PPFIBP1: variants seen among roughly 807,000 people sequenced by gnomAD.
PPFIBP1 encodes the protein liprin-beta-1.
Under a neutral mutation model 137.8 loss-of-function variants are expected in PPFIBP1, and 112 were observed. The ratio of observed to expected loss-of-function variants is 0.81; its 90% CI spans 0.70 to 0.95. The LOEUF (loss-of-function observed/expected upper bound fraction) is 0.95, where lower values mean the gene tolerates loss of function less well. Ranked by LOEUF, PPFIBP1 falls within the 40% of genes least tolerant of loss-of-function variation. The pLI is 0.00. For synonymous variants in PPFIBP1, 378 were observed against 417.3 expected (o/e 0.91, Z 1.15); for missense variants, 1,083 against 1,196.6 (o/e 0.91, Z 1.40).
intron 2 of PPFIBP1, among the ~76,000 whole-genome samples, chr12:27,607,285 A>G (rs2054614045): frequency 6.6e-6 from 1 of 152,216 alleles, no homozygotes; most frequent in Non-Finnish European, 1.5e-5. Context: ...CCAACAATTG[A>G]TTCAGGTGTA....
chr12:27,691,760 T>G lies in PPFIBP1; in HGVS notation c.2697T>G (p.Leu899=). ...TATAKVKPKK[L]AFSNFGNLRK... ...CTTTTCTTTTAAAGCCAAAGAAACT[T>G]GCCTTTAGCAATTTTGGGAATTTGA... Residue 899 remains leucine, a synonymous_variant, in exon 28 of 30, where the codon CTT becomes CTG. Transcript: ENST00000228425. The G allele has an allele frequency of 6.2e-7, 1 of 1,609,026 alleles. No individual in the cohort carries two copies. The highest frequency in any genetic ancestry group is 8.5e-7 in the Non-Finnish European group (1 of 1,178,018).
intron 24 of PPFIBP1, among the ~76,000 whole-genome samples, chr12:27,685,528 T>A (rs867179641): frequency 2.3e-4 from 35 of 152,224 alleles, no homozygotes; most frequent in African/African-American, 8.4e-4. Context: ...AGTGTGAGTA[T>A]GTTCCCCCTG....
intron 1 of PPFIBP1, among the ~76,000 whole-genome samples, chr12:27,542,419 T>C (rs1015707471): frequency 6.6e-6 from 1 of 152,198 alleles, no homozygotes; most frequent in African/African-American, 2.4e-5. Flanking sequence ...TAAGTTGAGA[T>C]TGGTGCAAAA....
At chr12:27,557,169 G>A (rs1049443788) in intron 1 of PPFIBP1, among the ~76,000 whole-genome samples, 15 of 151,772 alleles carry the variant, frequency 9.9e-5, no homozygotes, top group African/African-American at 3.1e-4. Context: ...TGAAGAACAA[G>A]ATTTTCTCTC....
intron 2 of PPFIBP1, among the ~76,000 whole-genome samples, chr12:27,599,789 C>T (rs1468955540): frequency 6.6e-6 from 1 of 152,168 alleles, no homozygotes; most frequent in Admixed American, 6.5e-5. Flanking sequence ...ATCTGACAAA[C>T]TCCATTTGTG....
chr12:27,580,147 G>C (rs1268114356), intron 2 of PPFIBP1, among the ~76,000 whole-genome samples: 1 of 152,150 alleles, frequency 6.6e-6, no homozygotes, highest in East Asian at 1.9e-4. Context: ...GAGACGAATA[G>C]AGAAAGAAAA....
intron 27 of PPFIBP1, among the ~76,000 whole-genome samples, chr12:27,689,438 A>T (rs2061388634): frequency 6.6e-6 from 1 of 150,548 alleles, no homozygotes; most frequent in Non-Finnish European, 1.5e-5. Flanking sequence ...TATTGTAAGA[A>T]TAAAAAAAAA....
intron 19 of PPFIBP1, among the ~76,000 whole-genome samples, chr12:27,678,870 A>AAAAAAAAAAAAAAC (rs2060699324): frequency 6.6e-6 from 1 of 150,840 alleles, no homozygotes; most frequent in Non-Finnish European, 1.5e-5. Flanking sequence ...AAAAAAAAAA[A>AAAAAAAAAAAAAAC]AAAAAAAAAA....
At chr12:27,681,769 A>C in intron 22 of PPFIBP1, 73 bp downstream of exon 22, 2 of 1,537,664 alleles carry the variant, frequency 1.3e-6, no homozygotes, top group South Asian at 2.4e-5. Flanking sequence ...GTTGTTTTAT[A>C]GTCCAGAAAG....
rs751904200 is a variant in PPFIBP1, at chr12:27,646,135, C to G, written c.344C>G (p.Ser115Cys). 1 of 1,606,978 alleles carries G rather than the reference C, an allele frequency of 6.2e-7. No homozygotes were observed. Among genetic ancestry groups the G allele is most frequent in the Non-Finnish European group, 8.5e-7 (1 of 1,173,766 alleles). ...RLARLENDKESLVLQVSVLTD... is the reference protein window; with the variant it reads ...RLARLENDKECLVLQVSVLTD... ...GCACGTTTAGAAAATGATAAAGAAT[C>G]CCTCGTTCTTCAGGCAAGTGATTTT... is the stretch of plus-strand genomic sequence containing the variant. Residue 115 changes from serine (S) to cysteine (C), a missense_variant, in exon 5 of 30, where the codon TCC (serine) becomes TGC (cysteine). Transcript: ENST00000228425.
intron 24 of PPFIBP1, among the ~76,000 whole-genome samples, chr12:27,684,481 C>G (rs1201933326): frequency 1.3e-5 from 2 of 152,128 alleles, no homozygotes; most frequent in Non-Finnish European, 2.9e-5. Context: ...TAATCTTTTT[C>G]AAGTAAGTAG....
chr12:27,548,312 C>T (rs545179593), intron 1 of PPFIBP1: 3 of 152,150 alleles, frequency 2.0e-5, no homozygotes, highest in Non-Finnish European at 2.9e-5. Context: ...CAAACTCAGA[C>T]TTAGAACCTT....
intron 1 of PPFIBP1, among the ~76,000 whole-genome samples, chr12:27,544,208 G>C (rs924399231): frequency 1.3e-5 from 2 of 152,104 alleles, no homozygotes; most frequent in African/African-American, 2.4e-5. Flanking sequence ...AGCCAAAGTG[G>C]ACATTTGGAG....
In PPFIBP1 at chr12:27,688,300, T is replaced by C. The variant is rs1348616932; in HGVS notation, c.2373T>C (p.Asn791=). The C allele has an allele frequency of 1.2e-6, 2 of 1,613,222 alleles. No homozygotes were observed. Among genetic ancestry groups the C allele is most frequent in the African/African-American group, 2.7e-5 (2 of 74,882 alleles). The change falls in exon 26 of 30, where the codon AAT becomes AAC. Residue 791 remains asparagine (N), a splice_region_variant and synonymous_variant. Transcript: ENST00000228425. The part of the protein sequence containing the change: ...NCLRRRPSDE[N]TIAPSEVQKW... ...ATCCTGGTTGTGTGTTCCCATAGAATACCATCGCCCCATCAGAAGTTCAGA... is the reference window on the plus strand; with the variant it reads ...ATCCTGGTTGTGTGTTCCCATAGAACACCATCGCCCCATCAGAAGTTCAGA...
chr12:27,678,815 T>A, intron 19 of PPFIBP1, among the ~76,000 whole-genome samples: 1 of 135,034 alleles, frequency 7.4e-6, no homozygotes, highest in Non-Finnish European at 1.5e-5. Context: ...CGAGATCATG[T>A]CACTGCACTC....
At chr12:27,657,204 C>T (rs2059257861) in intron 9 of PPFIBP1, 1 of 152,672 alleles carries the variant, frequency 6.5e-6, no homozygotes, top group African/African-American at 2.4e-5. Flanking sequence ...GAGCCCTCCA[C>T]CTTTTAGAAA....
intron 1 of PPFIBP1, among the ~76,000 whole-genome samples, chr12:27,561,217 G>T (rs569316425): frequency 6.6e-6 from 1 of 152,310 alleles, no homozygotes; most frequent in African/African-American, 2.4e-5. Context: ...TCTTGCAATT[G>T]TGAGTGGTCT....
At chr12:27,625,207 G>A (rs537492755) in intron 2 of PPFIBP1, among the ~76,000 whole-genome samples, 31 of 152,220 alleles carry the variant, frequency 2.0e-4, no homozygotes, top group South Asian at 4.1e-4. Flanking sequence ...CCATGTTTGC[G>A]CCACTGCACT....
At chr12:27,552,545 C>T (rs1946878712) in intron 1 of PPFIBP1, 1 of 152,178 alleles carries the variant, frequency 6.6e-6, no homozygotes, top group Admixed American at 6.5e-5. Flanking sequence ...AAATTGTACT[C>T]ACTGTTATGT....
Sources: allele counts gnomAD v4.1 joint callset (sites outside exome capture counted in the v4.1 genomes callset), GRCh38; gene constraint gnomAD v4.1.1; transcripts MANE v1.5; gene names NCBI Gene and HGNC (gene_info 2026-07-23, HGNC 2026-07-21).